The following SLC22A24 variants were observed in gnomAD, a reference collection of about 807,000 sequenced individuals.
SLC22A24 encodes the protein steroid transmembrane transporter SLC22A24.
Under a neutral mutation model 49.8 loss-of-function variants are expected in SLC22A24, and 53 were observed. That is an observed-to-expected ratio of 1.06 (90% confidence interval 0.85 to 1.34). The LOEUF is 1.34. Among genes scored for constraint, SLC22A24 ranks in the 40% most tolerant of loss-of-function variants. The pLI, the probability that SLC22A24 is intolerant of heterozygous loss-of-function variation, is 0.00. For synonymous variants in SLC22A24, 302 were observed against 256.4 expected, an observed-to-expected ratio of 1.18 and a Z score of -1.70; for missense variants, 786 against 675.9, an observed-to-expected ratio of 1.16 and a Z score of -1.81.
intron 5 of SLC22A24, among the ~76,000 whole-genome samples, chr11:63,098,994 A>G (rs1344389275): frequency 1.3e-5 from 2 of 152,134 alleles, no homozygotes; most frequent in South Asian, 2.1e-4. Context: ...CAGTATGCCA[A>G]TACATTATAA....
intron 4 of SLC22A24, among the ~76,000 whole-genome samples, chr11:63,109,691 G>T (rs1027386912): frequency 6.6e-6 from 1 of 152,064 alleles, no homozygotes; most frequent in Non-Finnish European, 1.5e-5. Context: ...TTTTGATGGG[G>T]TTGTTTGCTT....
intron 1 of SLC22A24, among the ~76,000 whole-genome samples, chr11:63,137,330 G>T (rs2087382658): frequency 6.6e-6 from 1 of 152,154 alleles, no homozygotes; most frequent in Non-Finnish European, 1.5e-5. Context: ...TCTCATCTTT[G>T]TGTGTGTTTG....
At chr11:63,103,871 C>T (rs2134651012) in intron 5 of SLC22A24, among the ~76,000 whole-genome samples, 1 of 152,202 alleles carries the variant, frequency 6.6e-6, no homozygotes, top group Non-Finnish European at 1.5e-5. Flanking sequence ...CAGAGGGGAC[C>T]ATGAGTCAGT....
At chr11:63,095,759 C>T (rs1450236778) in intron 6 of SLC22A24, among the ~76,000 whole-genome samples, 3 of 152,176 alleles carry the variant, frequency 2.0e-5, no homozygotes, top group Non-Finnish European at 2.9e-5. Context: ...CAGTGATAAA[C>T]TTTGTGCTGG....
At chr11:63,102,617 A>G (rs771826621) in intron 5 of SLC22A24, among the ~76,000 whole-genome samples, 25 of 152,166 alleles carry the variant, frequency 1.6e-4, no homozygotes, top group Non-Finnish European at 3.1e-4. Flanking sequence ...GTACAAAATG[A>G]AAAAGCCTGT....
In SLC22A24 at chr11:63,091,859, C is replaced by A. The variant is rs191470977; in HGVS notation, c.1070+4132G>T. On this transcript the variant is annotated intron_variant, in intron 6 of 9. Coordinates refer to ENST00000612278, the MANE Select transcript of SLC22A24 (RefSeq NM_001136506.2). ...TGAAAACCGGCACAAGACAAAGATA[C>A]CCTCTCTGACCACTCCTATTCAACA... 4.6e-5 allele frequency among the ~76,000 whole-genome samples: 7 copies of A among 152,244 alleles called. No homozygotes were observed. The East Asian group carries it at 1.2e-3, about 25-fold the overall frequency.
In SLC22A24 at chr11:63,141,034, T is replaced by A. The variant is rs1349862138; in HGVS notation, c.402+2344A>T. Among the ~76,000 whole-genome samples, 3 of 152,354 alleles carry A rather than the reference T, an allele frequency of 2.0e-5. No homozygotes were observed. The East Asian group carries it at 5.8e-4, about 29-fold the overall frequency. ...GGTTAGAACACTAATCATACTGATG[T>A]GGGGCCAGAATCTGGGCCCATGTGT... On this transcript the variant is annotated intron_variant, in intron 1 of 9. Transcript: ENST00000612278.
intron 5 of SLC22A24, among the ~76,000 whole-genome samples, chr11:63,103,695 A>C (rs1272068718): frequency 6.6e-6 from 1 of 152,162 alleles, no homozygotes; most frequent in Non-Finnish European, 1.5e-5. Flanking sequence ...TCTTTTATCT[A>C]TTTTACTGCT....
intron 4 of SLC22A24, among the ~76,000 whole-genome samples, chr11:63,114,294 C>T (rs1327954853): frequency 7.9e-5 from 12 of 152,146 alleles, no homozygotes; most frequent in Non-Finnish European, 1.6e-4. Flanking sequence ...AACTTGCCCT[C>T]TCACTTTATT....
intron 5 of SLC22A24, among the ~76,000 whole-genome samples, chr11:63,099,415 T>A (rs1191792590): frequency 1.6e-5 from 2 of 128,258 alleles, no homozygotes; most frequent in Non-Finnish European, 3.2e-5. Flanking sequence ...AGATAGGGTC[T>A]ATGTTGCCTA....
intron 6 of SLC22A24, among the ~76,000 whole-genome samples, chr11:63,094,569 A>C (rs1301361203): frequency 1.3e-5 from 2 of 152,198 alleles, no homozygotes; most frequent in Admixed American, 1.3e-4. Flanking sequence ...GACTTCCACA[A>C]TGGTTAAACT....
Position 63,081,587 on chromosome 11 carries a change from G to T in SLC22A24, c.1365C>A (p.His455Gln), listed in dbSNP as rs1303495476. Reference protein sequence around the residue: ...VSAASNSASVHHNELVPTILR... With the variant: ...VSAASNSASVQHNELVPTILR... ...ATATGGTGGGGACGAGCTCGTTGTG[G>T]TGGACAGAAGCACTGTTGCTAGCAG... Residue 455 changes from histidine (H) to glutamine (Q), a missense_variant, in exon 8 of 10, where the codon CAC becomes CAA. His to Gln is a conservative substitution (Grantham distance 24). Coordinates refer to ENST00000612278, the MANE Select transcript of SLC22A24 (RefSeq NM_001136506.2). 6.4e-7 allele frequency: 1 copy of T among 1,551,378 alleles called. No homozygotes were observed. Among genetic ancestry groups the T allele is most frequent in the Non-Finnish European group, 8.7e-7 (1 of 1,146,836 alleles).
intron 2 of SLC22A24, among the ~76,000 whole-genome samples, chr11:63,129,397 A>T (rs972746096): frequency 6.6e-6 from 1 of 152,188 alleles, no homozygotes; most frequent in Non-Finnish European, 1.5e-5. Context: ...TATAGTTTGA[A>T]GTCAGGTAGC....
intron 4 of SLC22A24, among the ~76,000 whole-genome samples, chr11:63,107,363 T>A (rs1294288677): frequency 6.6e-6 from 1 of 152,100 alleles, no homozygotes; most frequent in Non-Finnish European, 1.5e-5. Flanking sequence ...AGTCAGGTAG[T>A]GTGATGCCTC....
intron 5 of SLC22A24, among the ~76,000 whole-genome samples, chr11:63,100,019 A>G (rs1163643729): frequency 6.6e-6 from 1 of 152,208 alleles, no homozygotes; most frequent in Non-Finnish European, 1.5e-5. Flanking sequence ...TCAGAAAAAG[A>G]CAAGGATGCT....
intron 4 of SLC22A24, among the ~76,000 whole-genome samples, chr11:63,112,858 C>CA (rs907786481): frequency 4.7e-5 from 7 of 148,856 alleles, no homozygotes; most frequent in South Asian, 2.1e-4. Context: ...CTAAAAAATA[C>CA]AAAAAAAATA....
intron 6 of SLC22A24, among the ~76,000 whole-genome samples, chr11:63,094,923 G>C (rs186877142): frequency 5.3e-5 from 8 of 151,964 alleles, no homozygotes; most frequent in East Asian, 3.8e-4. Context: ...TTCTCCCATT[G>C]TGTAGGTTGC....
At position 63,087,283 on chromosome 11, in the gene SLC22A24, G is replaced by C. The variant is rs2086993253; in HGVS notation, c.1071-3826C>G. Among the ~76,000 whole-genome samples the C allele has an allele frequency of 2.0e-5, 3 of 152,148 alleles. No homozygotes were observed. The East Asian group carries it at 5.8e-4, about 29-fold the overall frequency. On this transcript the variant is annotated intron_variant, in intron 6 of 9. Transcript: ENST00000612278. ...TTAGGCAGTGGCTGCAACCCACAGA[G>C]GGCAGGCAGAAGCAGGGTGGGGCGT...
At chr11:63,099,011 G>C (rs1263495734) in intron 5 of SLC22A24, among the ~76,000 whole-genome samples, 3 of 151,862 alleles carry the variant, frequency 2.0e-5, no homozygotes, top group East Asian at 3.9e-4. Context: ...ATAAAAGCTA[G>C]AAAAAAATGA....
Sources: allele counts gnomAD v4.1 joint callset (sites outside exome capture counted in the v4.1 genomes callset), GRCh38; gene constraint gnomAD v4.1.1; transcripts MANE v1.5; gene names NCBI Gene and HGNC (gene_info 2026-07-23, HGNC 2026-07-21).